Variants in DGLUCY observed in about 807,000 individuals in gnomAD.
DGLUCY encodes the protein D-glutamate cyclase, mitochondrial.
A neutral mutation model predicts 58.5 loss-of-function variants in DGLUCY; 58 were observed. That is an observed-to-expected ratio of 0.99 (90% CI 0.80 to 1.23). DGLUCY has a LOEUF of 1.23. Ranked by LOEUF, DGLUCY falls within the 50% of genes most tolerant of loss-of-function variation. The pLI is 0.00. For synonymous variants in DGLUCY, 325 were observed against 314.1 expected, an observed-to-expected ratio of 1.03 and a Z score of -0.37; for missense variants, 779 against 784.7, an observed-to-expected ratio of 0.99 and a Z score of 0.09.
chr14:91,213,207 G>A (rs748763604), intron 12 of DGLUCY, among the ~76,000 whole-genome samples: 2 of 152,190 alleles, frequency 1.3e-5, no homozygotes, highest in Non-Finnish European at 2.9e-5. Flanking sequence ...GGCCAAGACG[G>A]GTTGGTCGTT....
chr14:91,139,917 G>GA (rs2046554232), intron 1 of DGLUCY, among the ~76,000 whole-genome samples: 1 of 152,204 alleles, frequency 6.6e-6, no homozygotes, highest in Admixed American at 6.5e-5. Context: ...GATGGAGGGG[G>GA]AAGAGGGAGG....
chr14:91,084,317 C>T (rs2044176060), intron 1 of DGLUCY, among the ~76,000 whole-genome samples: 1 of 151,676 alleles, frequency 6.6e-6, no homozygotes, highest in Non-Finnish European at 1.5e-5. Flanking sequence ...GATTTTCGTG[C>T]CTCAGCCTCC....
intron 1 of DGLUCY, among the ~76,000 whole-genome samples, chr14:91,083,760 G>A (rs764178463): frequency 3.3e-5 from 5 of 151,714 alleles, no homozygotes; most frequent in Admixed American, 6.6e-5. Context: ...TTTCCACCTC[G>A]GGGCCTCTAG....
chr14:91,157,233 G>A (rs2047704186), intron 1 of DGLUCY, among the ~76,000 whole-genome samples: 1 of 109,252 alleles, frequency 9.2e-6, no homozygotes, highest in Non-Finnish European at 1.9e-5. Flanking sequence ...ATGGATGGGT[G>A]GATGGATGGA....
At chr14:91,060,560 G>A in exon 1 of DGLUCY, 1 of 1,144,920 alleles carries the variant, frequency 8.7e-7, no homozygotes. Flanking sequence ...GAACTCGGAC[G>A]CAAAGACGAG....
chr14:91,182,165 G>A (rs535721157), intron 8 of DGLUCY, among the ~76,000 whole-genome samples: 1 of 152,088 alleles, frequency 6.6e-6, no homozygotes. Context: ...ATTTTTAGTA[G>A]AGTCGAGGTT....
chr14:91,210,274 T>G (rs999260944), intron 12 of DGLUCY, among the ~76,000 whole-genome samples: 2 of 151,806 alleles, frequency 1.3e-5, no homozygotes, highest in South Asian at 4.2e-4. Context: ...CAAGGAAAAA[T>G]AGACAAATTC....
At chr14:91,066,208 T>C (rs1020471058) in intron 1 of DGLUCY, among the ~76,000 whole-genome samples, 4 of 151,960 alleles carry the variant, frequency 2.6e-5, no homozygotes, top group African/African-American at 9.6e-5. Context: ...TGAAACCCTG[T>C]CTCTACTAAA....
At position 91,175,958 on chromosome 14, in the gene DGLUCY, C is replaced by G; in HGVS notation, c.632C>G (p.Ser211Cys). Residue 211 changes from serine to cysteine, a missense_variant, in exon 7 of 14, where the codon TCC becomes TGC. Transcript: ENST00000256324. Reference sequence around the variant, plus strand: ...GAACTGTTGGGAATCAAAGAGCTTTCCAAACCTGCCTACGGGGATGCCATG... The same window carrying G: ...GAACTGTTGGGAATCAAAGAGCTTTGCAAACCTGCCTACGGGGATGCCATG... ...DPELLGIKELSKPAYGDAMVC... is the reference protein window; with the variant it reads ...DPELLGIKELCKPAYGDAMVC... 1 of 1,614,036 alleles carries G rather than the reference C, an allele frequency of 6.2e-7. No individual in the cohort carries two copies. Among genetic ancestry groups the G allele is most frequent in the Non-Finnish European group, 8.5e-7 (1 of 1,179,922 alleles).
chr14:91,221,741 A>G (rs879482778), intron 13 of DGLUCY, among the ~76,000 whole-genome samples: 6 of 152,110 alleles, frequency 3.9e-5, no homozygotes, highest in Non-Finnish European at 7.4e-5. Context: ...ACTATTCTTT[A>G]TAACTTATTT....
At chr14:91,093,666 G>A (rs926286878) in intron 1 of DGLUCY, among the ~76,000 whole-genome samples, 1 of 151,970 alleles carries the variant, frequency 6.6e-6, no homozygotes, top group Non-Finnish European at 1.5e-5. Flanking sequence ...TGAACCAATT[G>A]TGTTGGTGCA....
At chr14:91,216,094 C>T (rs973187684) in intron 13 of DGLUCY, 12 of 219,596 alleles carry the variant, frequency 5.5e-5, no homozygotes, top group Non-Finnish European at 1.1e-4. Context: ...GGAATCCCAG[C>T]GGGAGGAATG....
At chr14:91,194,954 C>T (rs1038581863) in intron 9 of DGLUCY, among the ~76,000 whole-genome samples, 10 of 152,178 alleles carry the variant, frequency 6.6e-5, no homozygotes, top group South Asian at 2.1e-4. Flanking sequence ...AGCAGCATGG[C>T]GGAGTAGCTG....
At chr14:91,136,672 G>T (rs1455213752) in intron 1 of DGLUCY, among the ~76,000 whole-genome samples, 1 of 146,032 alleles carries the variant, frequency 6.8e-6, no homozygotes, top group African/African-American at 2.6e-5. Flanking sequence ...GACAGAGCAA[G>T]ACTCTGTCTC....
At chr14:91,157,067 A>G (rs980493022) in intron 1 of DGLUCY, among the ~76,000 whole-genome samples, 7 of 142,884 alleles carry the variant, frequency 4.9e-5, no homozygotes, top group African/African-American at 1.6e-4. Flanking sequence ...GAGTGGGTGG[A>G]TGGATGGATG....
chr14:91,203,042 C>G (rs1302209238), intron 11 of DGLUCY, among the ~76,000 whole-genome samples: 1 of 152,260 alleles, frequency 6.6e-6, no homozygotes, highest in Non-Finnish European at 1.5e-5. Context: ...GTTTAAGTCT[C>G]CACCTTCCAC....
chr14:91,219,776 C>T lies in DGLUCY; in HGVS notation c.1716+4220C>T, dbSNP rs574131059. The stretch of plus-strand genomic sequence containing the variant: ...TAAGACGTCATCAAGGGCCAAGAGC[C>T]ACTTGATGACACTTTACAGGGGTAC... On this transcript the variant is annotated intron_variant, in intron 13 of 13. Coordinates refer to ENST00000256324, the MANE Select transcript of DGLUCY (RefSeq NM_001102368.3). Among the ~76,000 whole-genome samples the T allele has an allele frequency of 4.6e-5, 7 of 152,320 alleles. No homozygotes were observed. In the South Asian group the frequency reaches 1.4e-3, roughly 32 times the overall value.
intron 1 of DGLUCY, among the ~76,000 whole-genome samples, chr14:91,115,961 C>T (rs930639124): frequency 6.6e-6 from 1 of 152,338 alleles, no homozygotes; most frequent in East Asian, 1.9e-4. Context: ...ACTTCTGTAC[C>T]TGCCTGGTTC....
At chr14:91,215,022 A>G (rs2140728565) in intron 12 of DGLUCY, among the ~76,000 whole-genome samples, 2 of 152,174 alleles carry the variant, frequency 1.3e-5, no homozygotes, top group African/African-American at 4.8e-5. Flanking sequence ...GGTGGCACAC[A>G]CCTGTAGTCC....
Sources: allele counts gnomAD v4.1 joint callset (sites outside exome capture counted in the v4.1 genomes callset), GRCh38; gene constraint gnomAD v4.1.1; transcripts MANE v1.5; gene names NCBI Gene and HGNC (gene_info 2026-07-23, HGNC 2026-07-21).